The following SIAH3 variants were observed in gnomAD, a reference collection of about 807,000 sequenced individuals.
SIAH3 encodes the protein seven in absentia homolog 3.
A neutral mutation model predicts 12.6 loss-of-function variants in SIAH3; 9 were observed. The ratio of observed to expected loss-of-function variants is 0.72; its 90% CI spans 0.43 to 1.25. The LOEUF (loss-of-function observed/expected upper bound fraction) is 1.25. Among genes scored for constraint, SIAH3 ranks in the 50% most tolerant of loss-of-function variants. SIAH3 has a pLI of 0.00. For synonymous variants in SIAH3, 154 were observed against 151.1 expected (o/e 1.02, Z -0.14); for missense variants, 390 against 365.4 (o/e 1.07, Z -0.55).
chr13:45,794,914 C>T (rs990185996), intron 1 of SIAH3, among the ~76,000 whole-genome samples: 10 of 150,300 alleles, frequency 6.7e-5, no homozygotes, highest in South Asian at 2.1e-4. Flanking sequence ...TGTCCTTCCA[C>T]GTTTCCCTTA....
intron 1 of SIAH3, among the ~76,000 whole-genome samples, chr13:45,848,375 A>G (rs1016992628): frequency 6.6e-6 from 1 of 152,140 alleles, no homozygotes; most frequent in Non-Finnish European, 1.5e-5. Flanking sequence ...TCTTATGTTC[A>G]AGGCTGGCTA....
At chr13:45,821,171 T>A (rs1950654515) in intron 1 of SIAH3, among the ~76,000 whole-genome samples, 1 of 152,192 alleles carries the variant, frequency 6.6e-6, no homozygotes, top group Non-Finnish European at 1.5e-5. Flanking sequence ...GGTGTCTTTG[T>A]AAAAAGTGGA....
chr13:45,848,933 A>G (rs1260918159), intron 1 of SIAH3, among the ~76,000 whole-genome samples: 1 of 152,238 alleles, frequency 6.6e-6, no homozygotes, highest in Non-Finnish European at 1.5e-5. Flanking sequence ...CATAGATCAC[A>G]GCTTATTACG....
At chr13:45,834,007 GAA>G (rs11308110) in intron 1 of SIAH3, among the ~76,000 whole-genome samples, 12 of 123,294 alleles carry the variant, frequency 9.7e-5, no homozygotes, top group Admixed American at 1.7e-4. Flanking sequence ...AGGTCAAAAA[GAA>G]AAAAAAAAAA....
At chr13:45,787,936 C>T (rs2137549515) in intron 1 of SIAH3, among the ~76,000 whole-genome samples, 1 of 152,328 alleles carries the variant, frequency 6.6e-6, no homozygotes, top group Non-Finnish European at 1.5e-5. Context: ...GGTCATTTCC[C>T]CCTAGACTCT....
At chr13:45,821,257 A>G (rs1026491647) in intron 1 of SIAH3, among the ~76,000 whole-genome samples, 2 of 152,238 alleles carry the variant, frequency 1.3e-5, no homozygotes, top group African/African-American at 4.8e-5. Context: ...TCTACAAGCC[A>G]TGGAATGCCC....
At chr13:45,784,208 C>T in intron 1 of SIAH3, 151 bp from the exon 2 acceptor site, 2 of 803,612 alleles carry the variant, frequency 2.5e-6, no homozygotes, top group Non-Finnish European at 3.9e-6. Context: ...AACAAACAAA[C>T]AAACAAAACC....
intron 1 of SIAH3, among the ~76,000 whole-genome samples, chr13:45,801,089 G>GGGT (rs1258987642): frequency 2.0e-5 from 1 of 50,924 alleles, no homozygotes; most frequent in African/African-American, 6.1e-5. Flanking sequence ...GTGAAGTGAT[G>GGGT]GGTGGCGGGG....
At position 45,778,655 on chromosome 13, in the gene SIAH3, G is replaced by A. The variant is rs1032121820; in HGVS notation, c.*4728C>T. The A allele has an allele frequency of 6.6e-6, 1 of 152,014 alleles. No homozygotes were observed. The highest frequency in any genetic ancestry group is 1.5e-5 in the Non-Finnish European group (1 of 68,008). The allele number at this position is 152,014 out of a possible 1,614,324, so 9.4% of individuals were successfully genotyped here. A position where few individuals can be genotyped will look rare whatever the true frequency, so the allele number is the denominator to read the frequency against. On this transcript the variant is annotated 3_prime_UTR_variant, in exon 2 of 2. Transcript: ENST00000400405. The stretch of plus-strand genomic sequence containing the variant: ...CCACCCTGCTGTGCTCATCAGCAAT[G>A]TCTAGGCAGTGGTATTAAGTCAACC...
chr13:45,837,510 T>C lies in SIAH3; in HGVS notation c.135+13985A>G, dbSNP rs184521088. 3.1e-3 allele frequency among the ~76,000 whole-genome samples: 377 copies of C among 122,006 alleles called. 2 individuals are homozygous for C. Among genetic ancestry groups the C allele is most frequent in the African/African-American group, 0.012 (366 of 31,284 alleles). The allele number at this position is 122,006 out of a possible 152,430, so 80.0% of individuals were successfully genotyped here. A position where few individuals can be genotyped will look rare whatever the true frequency, so the allele number is the denominator to read the frequency against. On this transcript the variant is annotated intron_variant, in intron 1 of 1. Coordinates refer to ENST00000400405, the MANE Select transcript of SIAH3 (RefSeq NM_198849.3). ...GGAAAGAAAAAGAAAGAAAGAAAAA[T>C]ACAGAGAGAAAGGAAGAAAGAGACA...
At chr13:45,820,018 A>G (rs1950649779) in intron 1 of SIAH3, among the ~76,000 whole-genome samples, 1 of 152,230 alleles carries the variant, frequency 6.6e-6, no homozygotes, top group African/African-American at 2.4e-5. Flanking sequence ...GTGTCCTCAC[A>G]TAGCAGGAGG....
At chr13:45,820,009 T>A (rs1416649837) in intron 1 of SIAH3, among the ~76,000 whole-genome samples, 1 of 152,216 alleles carries the variant, frequency 6.6e-6, no homozygotes, top group Non-Finnish European at 1.5e-5. Context: ...AGGAACGCCG[T>A]GTCCTCACAT....
At chr13:45,808,465 G>A (rs1270890737) in intron 1 of SIAH3, among the ~76,000 whole-genome samples, 2 of 152,070 alleles carry the variant, frequency 1.3e-5, no homozygotes, top group Non-Finnish European at 2.9e-5. Flanking sequence ...ATTCATCAAT[G>A]ACATGGTGAC....
At chr13:45,795,913 T>C (rs1219863847) in intron 1 of SIAH3, among the ~76,000 whole-genome samples, 1 of 149,800 alleles carries the variant, frequency 6.7e-6, no homozygotes, top group Non-Finnish European at 1.5e-5. Context: ...GCTACTGCTA[T>C]ACCCAACAAC....
chr13:45,793,428 G>T (rs1424556609), intron 1 of SIAH3, among the ~76,000 whole-genome samples: 2 of 152,134 alleles, frequency 1.3e-5, no homozygotes, highest in Admixed American at 1.3e-4. Flanking sequence ...ATCCTTCAGG[G>T]GTTCCTTATT....
intron 1 of SIAH3, among the ~76,000 whole-genome samples, chr13:45,789,514 C>G (rs1468816261): frequency 1.3e-5 from 2 of 152,094 alleles, no homozygotes; most frequent in African/African-American, 4.8e-5. Flanking sequence ...TCAAGTGATT[C>G]TCCTGTCTCA....
intron 1 of SIAH3, among the ~76,000 whole-genome samples, chr13:45,787,295 G>T (rs1358915628): frequency 6.6e-6 from 1 of 152,158 alleles, no homozygotes; most frequent in Non-Finnish European, 1.5e-5. Flanking sequence ...TATGGCAGGG[G>T]GAGAGAGAAA....
chr13:45,835,226 T>C (rs968285845), intron 1 of SIAH3, among the ~76,000 whole-genome samples: 2 of 152,154 alleles, frequency 1.3e-5, no homozygotes, highest in Non-Finnish European at 2.9e-5. Context: ...TTTCCCAGCC[T>C]CTCCAAAAAT....
intron 1 of SIAH3, among the ~76,000 whole-genome samples, chr13:45,807,930 T>C (rs1950603507): frequency 6.6e-6 from 1 of 152,194 alleles, no homozygotes. Flanking sequence ...AGGTAGTAAA[T>C]ACTCAAAGCT....
Sources: allele counts gnomAD v4.1 joint callset (sites outside exome capture counted in the v4.1 genomes callset), GRCh38; gene constraint gnomAD v4.1.1; transcripts MANE v1.5; gene names NCBI Gene and HGNC (gene_info 2026-07-23, HGNC 2026-07-21).